ANKRD30B: variants seen among roughly 807,000 people sequenced by gnomAD.
ANKRD30B encodes the protein ankyrin repeat domain-containing protein 30B.
ANKRD30B carries 144 observed loss-of-function variants against 202.2 expected under a neutral mutation model. The ratio of observed to expected loss-of-function variants is 0.71; its 90% CI spans 0.62 to 0.82. The LOEUF is 0.82. Ranked by LOEUF, ANKRD30B falls within the 40% of genes least tolerant of loss-of-function variation. The probability of loss-of-function intolerance (pLI) is 0.00; values close to 1 mark genes in which losing one functional copy is unlikely to be tolerated. For missense variants in ANKRD30B, 1,487 were observed against 1,669.1 expected, an observed-to-expected ratio of 0.89 and a Z score of 1.90; for synonymous variants, 508 against 561.3, an observed-to-expected ratio of 0.91 and a Z score of 1.34.
the ANKRD30B span, among the ~76,000 whole-genome samples, chr18:14,892,670 G>GTTCAC: frequency 6.7e-6 from 1 of 149,592 alleles, no homozygotes; most frequent in South Asian, 2.1e-4. Context: ...AACCCAGAAG[G>GTTCAC]TGGAGGCTGC....
At chr18:14,758,042 C>T (rs866404124) in intron 5 of ANKRD30B, 90 bp downstream of exon 5, 4 of 1,419,454 alleles carry the variant, frequency 2.8e-6, no homozygotes, top group Non-Finnish European at 2.8e-6. Context: ...CTTCATCAGC[C>T]AGAAACTAGG....
chr18:14,796,316 A>C (rs1329614672), intron 17 of ANKRD30B, 27 bp from the exon 18 acceptor site: 1 of 1,608,008 alleles, frequency 6.2e-7, no homozygotes, highest in Non-Finnish European at 8.5e-7. Context: ...ATTATGTATT[A>C]ATTTTTGTGT....
At chr18:14,865,465 CCTT>C in the ANKRD30B span, among the ~76,000 whole-genome samples, 3 of 151,488 alleles carry the variant, frequency 2.0e-5, no homozygotes, top group African/African-American at 7.3e-5. Context: ...TTTTTGCAAA[CCTT>C]CTCTCCTTCC....
intron 22 of ANKRD30B, among the ~76,000 whole-genome samples, chr18:14,800,619 C>T (rs1216542340): frequency 1.3e-5 from 2 of 149,390 alleles, no homozygotes; most frequent in Admixed American, 6.7e-5. Context: ...CCACCGCGCC[C>T]GGCCCAGAGT....
chr18:14,774,450 T>C (rs1375476217), intron 9 of ANKRD30B, among the ~76,000 whole-genome samples: 1 of 152,190 alleles, frequency 6.6e-6, no homozygotes, highest in Non-Finnish European at 1.5e-5. Flanking sequence ...GCTGTCTCAA[T>C]TGTCAGCATA....
intron 41 of ANKRD30B, 118 bp downstream of exon 41, chr18:14,850,500 T>C (rs1971838869): frequency 7.3e-6 from 8 of 1,093,750 alleles, no homozygotes; most frequent in Non-Finnish European, 9.8e-6. Flanking sequence ...AAGTATTGTC[T>C]TAAAATTAAC....
At chr18:14,821,894 T>C (rs1282594123) in intron 30 of ANKRD30B, among the ~76,000 whole-genome samples, 2 of 152,224 alleles carry the variant, frequency 1.3e-5, no homozygotes, top group Non-Finnish European at 1.5e-5. Flanking sequence ...AATATATTTA[T>C]AAACTTTCAT....
At chr18:14,889,917 T>G in the ANKRD30B span, 3 of 560,554 alleles carry the variant, frequency 5.4e-6, no homozygotes, top group Admixed American at 8.3e-5. Context: ...CATTTTTCCT[T>G]TTCAGAATGG....
intron 18 of ANKRD30B, among the ~76,000 whole-genome samples, chr18:14,797,213 C>A (rs570016343): frequency 1.4e-3 from 214 of 152,170 alleles, no homozygotes; most frequent in Non-Finnish European, 2.5e-3. Context: ...CAGGTACCCC[C>A]CCATGCGTCT....
intron 7 of ANKRD30B, among the ~76,000 whole-genome samples, chr18:14,765,148 T>C (rs1410807436): frequency 6.6e-6 from 1 of 152,146 alleles, no homozygotes; most frequent in African/African-American, 2.4e-5. Context: ...AAACTTTTCC[T>C]GTAAAGTGCC....
chr18:14,753,565 T>G (rs1913824867), intron 3 of ANKRD30B, among the ~76,000 whole-genome samples: 1 of 152,180 alleles, frequency 6.6e-6, no homozygotes, highest in Non-Finnish European at 1.5e-5. Context: ...CATAGTATAT[T>G]TTGGTAAAGG....
chr18:14,773,961 A>G (rs1404578669), intron 9 of ANKRD30B, among the ~76,000 whole-genome samples: 2 of 151,956 alleles, frequency 1.3e-5, no homozygotes, highest in African/African-American at 4.8e-5. Flanking sequence ...CCAAAACTCA[A>G]GTTCTATTAA....
At chr18:14,872,584 G>T in the ANKRD30B span, among the ~76,000 whole-genome samples, 1 of 152,080 alleles carries the variant, frequency 6.6e-6, no homozygotes, top group Non-Finnish European at 1.5e-5. Context: ...CTCCTGCTTG[G>T]TTCTCTTTTC....
At chr18:14,781,784 C>T (rs1967769136) in intron 11 of ANKRD30B, among the ~76,000 whole-genome samples, 1 of 152,116 alleles carries the variant, frequency 6.6e-6, no homozygotes, top group African/African-American at 2.4e-5. Flanking sequence ...GAACAGTTGC[C>T]ACTATGGCCC....
the ANKRD30B span, among the ~76,000 whole-genome samples, chr18:14,907,442 G>A: frequency 1.3e-5 from 2 of 152,180 alleles, no homozygotes; most frequent in African/African-American, 4.8e-5. Flanking sequence ...GGTGGTGCTG[G>A]TGTCAGGCCC....
intron 30 of ANKRD30B, among the ~76,000 whole-genome samples, chr18:14,820,730 A>G (rs1258885653): frequency 1.3e-5 from 2 of 152,002 alleles, no homozygotes; most frequent in South Asian, 2.1e-4. Flanking sequence ...ATCATGGTGG[A>G]TAAGCTTTTT....
chr18:14,752,727 T>A (rs768351086), intron 2 of ANKRD30B, 47 bp downstream of exon 2: 1 of 1,550,396 alleles, frequency 6.4e-7, no homozygotes, highest in Non-Finnish European at 8.7e-7. Context: ...TTGGTTTAAA[T>A]ACATAGAATA....
Position 14,783,875 on chromosome 18 carries a change from ATCCAAGCTGATCAAT to A in ANKRD30B, c.1571-458_1571-444del, listed in dbSNP as rs1967909803. Among the ~76,000 whole-genome samples the A allele has an allele frequency of 3.3e-5, 5 of 152,230 alleles. No individual in the cohort carries two copies. In the South Asian group the frequency reaches 1.0e-3, roughly 32 times the overall value. On this transcript the variant is annotated intron_variant, in intron 12 of 43. Coordinates refer to ENST00000690538, the MANE Select transcript of ANKRD30B (RefSeq NM_001367607.2). ...ATTTAGTATTATGACCTAAGTATAT[ATCCAAGCTGATCAAT>A]TCATAACACTTCACTGATGAGATGT...
At chr18:14,793,858 C>T (rs1968690658) in intron 16 of ANKRD30B, among the ~76,000 whole-genome samples, 1 of 151,740 alleles carries the variant, frequency 6.6e-6, no homozygotes, top group South Asian at 2.1e-4. Context: ...CTCAACACTG[C>T]ACTCCAGCCT....
Sources: allele counts gnomAD v4.1 joint callset (sites outside exome capture counted in the v4.1 genomes callset), GRCh38; gene constraint gnomAD v4.1.1; transcripts MANE v1.5; gene names NCBI Gene and HGNC (gene_info 2026-07-23, HGNC 2026-07-21).